MYH14: variants seen among roughly 807,000 people sequenced by gnomAD.
MYH14 encodes myosin heavy chain 14.
Under a neutral mutation model 255.5 loss-of-function variants are expected in MYH14, and 123 were observed. That is an observed-to-expected ratio of 0.48 (90% CI 0.42 to 0.56). The LOEUF is 0.56. Among genes scored for constraint, MYH14 ranks in the 20% least tolerant of loss-of-function variants. The probability of loss-of-function intolerance (pLI) is 0.00; values close to 1 mark genes in which losing one functional copy is unlikely to be tolerated. For missense variants in MYH14, 2,423 were observed against 2,802.3 expected, an observed-to-expected ratio of 0.86 and a Z score of 3.06; for synonymous variants, 1,095 against 1,161.2, an observed-to-expected ratio of 0.94 and a Z score of 1.16.
chr19:50,232,105 G>A (rs774487029), intron 10 of MYH14, 35 bp downstream of exon 10: 4 of 1,604,660 alleles, frequency 2.5e-6, no homozygotes, highest in Admixed American at 1.7e-5. Context: ...GGGTAGGGGG[G>A]AACCCCACGG....
At chr19:50,303,011 G>A (rs1026788381) in intron 40 of MYH14, among the ~76,000 whole-genome samples, 43 of 152,242 alleles carry the variant, frequency 2.8e-4, no homozygotes, top group Non-Finnish European at 2.9e-5. Flanking sequence ...GCTTTGGGCT[G>A]CAAGTAACTG....
At chr19:50,277,140 C>T (rs1208841100) in intron 29 of MYH14, among the ~76,000 whole-genome samples, 1 of 152,164 alleles carries the variant, frequency 6.6e-6, no homozygotes, top group Non-Finnish European at 1.5e-5. Context: ...CCTTGTGGAG[C>T]TTTCCTTTTA....
At chr19:50,211,508 T>C (rs2032193959) in intron 2 of MYH14, among the ~76,000 whole-genome samples, 1 of 152,126 alleles carries the variant, frequency 6.6e-6, no homozygotes, top group South Asian at 2.1e-4. Context: ...TTATTAAACA[T>C]TTACCAACCA....
intron 10 of MYH14, among the ~76,000 whole-genome samples, chr19:50,233,114 A>G (rs67103883): frequency 0.18 from 26,929 of 151,842 alleles, 2,648 homozygotes; most frequent in African/African-American, 0.25. Flanking sequence ...GGCACTGGTT[A>G]TTTGGTGTTA....
At chr19:50,300,922 A>G (rs1195041241) in intron 39 of MYH14, among the ~76,000 whole-genome samples, 1 of 151,668 alleles carries the variant, frequency 6.6e-6, no homozygotes, top group Non-Finnish European at 1.5e-5. Flanking sequence ...GCAACAGAAC[A>G]AAACTGTCTC....
intron 10 of MYH14, among the ~76,000 whole-genome samples, chr19:50,242,280 A>G (rs1026707488): frequency 2.0e-5 from 3 of 152,170 alleles, no homozygotes; most frequent in African/African-American, 7.2e-5. Context: ...TTCAAGGTCC[A>G]TTTCTGTATT....
At chr19:50,247,926 G>C (rs1208527348) in intron 12 of MYH14, among the ~76,000 whole-genome samples, 4 of 152,048 alleles carry the variant, frequency 2.6e-5, no homozygotes. Flanking sequence ...CTGGGTATGT[G>C]GCACACGCCT....
intron 33 of MYH14, among the ~76,000 whole-genome samples, chr19:50,284,097 A>AC (rs1190687391): frequency 2.1e-5 from 3 of 144,614 alleles, no homozygotes; most frequent in African/African-American, 4.9e-5. Flanking sequence ...AAAAACAAAA[A>AC]AAAAACAAAA....
At chr19:50,210,821 G>A in intron 2 of MYH14, 51 bp downstream of exon 2, 1 of 1,528,466 alleles carries the variant, frequency 6.5e-7, no homozygotes, top group South Asian at 1.2e-5. Context: ...CTGCCGGTTG[G>A]GGAACCAGGT....
In MYH14 at chr19:50,203,678, G is replaced by C. The variant is rs1477530158; in HGVS notation, c.-4+7G>C. Reference sequence around the variant, plus strand: ...GGGACGGCCCTGGAAGCCGGTGAGTGCCCGGGGCCGGCAGCCCTCCGGGGG... The same window carrying C: ...GGGACGGCCCTGGAAGCCGGTGAGTCCCCGGGGCCGGCAGCCCTCCGGGGG... On this transcript the variant is annotated splice_region_variant and intron_variant, in intron 1 of 42. Transcript: ENST00000642316. 6.6e-6 allele frequency: 1 copy of C among 152,424 alleles called. No individual in the cohort carries two copies. Among genetic ancestry groups the C allele is most frequent in the Admixed American group, 6.5e-5 (1 of 15,290 alleles). The allele number at this position is 152,424 out of a possible 1,614,324, so 9.4% of individuals were successfully genotyped here.
chr19:50,306,990 G>A lies in MYH14; in HGVS notation c.5679-59G>A, dbSNP rs1292211442. 2.4e-6 allele frequency: 3 copies of A among 1,258,350 alleles called. No homozygotes were observed. In the East Asian group the frequency reaches 7.7e-5, roughly 32 times the overall value. The allele number at this position is 1,258,350 out of a possible 1,614,324, so 77.9% of individuals were successfully genotyped here. A position where few individuals can be genotyped will look rare whatever the true frequency, so the allele number is the denominator to read the frequency against. ...GGTGACAGCCACTGCATGAGTCTAT[G>A]GGGACAAAATCCTAGGTTGAGCCCC... On this transcript the variant is annotated intron_variant, in intron 40 of 42. Transcript: ENST00000642316.
At position 50,223,155 on chromosome 19, in the gene MYH14, G is replaced by C. The variant is rs1600878890; in HGVS notation, c.590+45G>C. 4.3e-6 allele frequency: 7 copies of C among 1,611,610 alleles called. No homozygotes were observed. The East Asian group carries it at 1.6e-4, about 36-fold the overall frequency. On this transcript the variant is annotated intron_variant, in intron 4 of 42. Coordinates refer to ENST00000642316, the MANE Select transcript of MYH14 (RefSeq NM_001145809.2). The stretch of plus-strand genomic sequence containing the variant: ...TTCCTGGAGGAGGAGAGGTCTGGGT[G>C]GGGCGTGGCTGTGTTTGGAATGGGC...
At chr19:50,275,346 C>T (rs2035465725) in intron 27 of MYH14, among the ~76,000 whole-genome samples, 1 of 152,206 alleles carries the variant, frequency 6.6e-6, no homozygotes, top group Admixed American at 6.5e-5. Context: ...CGGGCCAACC[C>T]AGCCACTCAC....
At chr19:50,205,300 T>TGGCGCCGCC (rs2031670872) in intron 1 of MYH14, among the ~76,000 whole-genome samples, 2 of 152,168 alleles carry the variant, frequency 1.3e-5, no homozygotes, top group Non-Finnish European at 2.9e-5. Context: ...GAGGAGCCCC[T>TGGCGCCGCC]GGCGCCGCCG....
At chr19:50,219,590 T>G (rs558295702) in intron 3 of MYH14, among the ~76,000 whole-genome samples, 2 of 152,314 alleles carry the variant, frequency 1.3e-5, no homozygotes. Flanking sequence ...GTTCATTCAT[T>G]TATTCAACAT....
intron 2 of MYH14, among the ~76,000 whole-genome samples, chr19:50,213,850 T>G (rs2032329257): frequency 6.6e-6 from 1 of 152,140 alleles, no homozygotes; most frequent in African/African-American, 2.4e-5. Flanking sequence ...GTTTTAGACA[T>G]AGCCTTGCTC....
chr19:50,224,844 T>C (rs2033015812), intron 6 of MYH14: 1 of 456,386 alleles, frequency 2.2e-6, no homozygotes, highest in Non-Finnish European at 4.4e-6. Flanking sequence ...GTGGCTCAGG[T>C]CTATAATCCC....
rs558087419 is a variant in MYH14, at chr19:50,231,977, G to C, written c.1021G>C (p.Gly341Arg). The change falls in exon 10 of 43, where the codon GGG (glycine) becomes CGG (arginine). Residue 341 changes from glycine to arginine, a missense_variant. Coordinates refer to ENST00000642316, the MANE Select transcript of MYH14 (RefSeq NM_001145809.2). ...CTCCCACTACCGGTTCCTGACCAAC[G>C]GGCCGTCATCCTCTCCCGGCCAGGA... The part of the protein sequence containing the change: ...PCSHYRFLTN[G>R]PSSSPGQERE... 1.4e-5 allele frequency: 22 copies of C among 1,613,782 alleles called. 1 individual carries two copies. Among genetic ancestry groups the C allele is most frequent in the Non-Finnish European group, 1.7e-5 (20 of 1,179,910 alleles).
At chr19:50,289,347 C>T (rs1295486306) in intron 34 of MYH14, 89 bp from the exon 35 acceptor site, 49 of 1,057,834 alleles carry the variant, frequency 4.6e-5, no homozygotes, top group Non-Finnish European at 6.5e-5. Flanking sequence ...ATCTCCCCAT[C>T]CTCCATCAAA....
Sources: allele counts gnomAD v4.1 joint callset (sites outside exome capture counted in the v4.1 genomes callset), GRCh38; gene constraint gnomAD v4.1.1; transcripts MANE v1.5; gene names NCBI Gene and HGNC (gene_info 2026-07-23, HGNC 2026-07-21).